Variants in FAAH2 observed in about 807,000 individuals in gnomAD.
FAAH2 encodes fatty-acid amide hydrolase 2.
In FAAH2, 60 loss-of-function variants were observed where a neutral mutation model predicts 36.9. The ratio of observed to expected loss-of-function variants is 1.63; its 90% confidence interval spans 1.32 to 2.02. The LOEUF (loss-of-function observed/expected upper bound fraction) is 2.02. Ranked by LOEUF, FAAH2 falls within the 30% of genes most tolerant of loss-of-function variation. The pLI is 0.00. For missense variants in FAAH2, 689 were observed against 397.5 expected (o/e 1.73, Z -6.23); for synonymous variants, 214 against 143.8 (o/e 1.49, Z -3.49).
intron 2 of FAAH2, among the ~76,000 whole-genome samples, chrX:57,300,029 G>A (rs2052294602): frequency 9.0e-6 from 1 of 111,486 alleles, no homozygotes; most frequent in South Asian, 3.8e-4. Context: ...TGGCCATACT[G>A]CCCAAGGTAA....
the FAAH2 span, among the ~76,000 whole-genome samples, chrX:57,203,158 A>G: frequency 1.8e-5 from 2 of 112,035 alleles, no homozygotes; most frequent in East Asian, 5.6e-4. Context: ...ACAGAGATTT[A>G]CCCACATATT....
chrX:57,313,918 A>G (rs1044236301), intron 3 of FAAH2, among the ~76,000 whole-genome samples: 1 of 111,378 alleles, frequency 9.0e-6, no homozygotes, highest in African/African-American at 3.3e-5. Flanking sequence ...AATGAACTAA[A>G]TGTCCCAATT....
At chrX:57,172,737 C>T in the FAAH2 span, among the ~76,000 whole-genome samples, 43 of 111,893 alleles carry the variant, frequency 3.8e-4, no homozygotes, top group Middle Eastern at 4.6e-3. Flanking sequence ...CTGGGCTCTC[C>T]TCCAACTGCC....
chrX:57,178,810 C>T, the FAAH2 span, among the ~76,000 whole-genome samples: 1 of 111,858 alleles, frequency 8.9e-6, no homozygotes, highest in African/African-American at 3.3e-5. Context: ...CTGCTAGCAG[C>T]AGCTACTTGG....
chrX:57,430,409 G>A (rs755855140), intron 7 of FAAH2, among the ~76,000 whole-genome samples: 1 of 111,510 alleles, frequency 9.0e-6, no homozygotes, highest in East Asian at 2.8e-4. Flanking sequence ...TGGGCGTGTG[G>A]TGGGATGCTT....
chrX:57,444,573 C>T (rs989795535), intron 8 of FAAH2, among the ~76,000 whole-genome samples: 1 of 111,075 alleles, frequency 9.0e-6, no homozygotes, highest in East Asian at 2.8e-4. Context: ...AGAGGATGCC[C>T]CACCCTGCTC....
the FAAH2 span, among the ~76,000 whole-genome samples, chrX:57,133,707 A>C: frequency 3.6e-5 from 4 of 112,438 alleles, no homozygotes; most frequent in Non-Finnish European, 7.5e-5. Flanking sequence ...GTACCTAATT[A>C]AAAATAGAAA....
At chrX:57,213,192 G>T in the FAAH2 span, among the ~76,000 whole-genome samples, 1 of 111,033 alleles carries the variant, frequency 9.0e-6, no homozygotes, top group African/African-American at 3.3e-5. Flanking sequence ...TTTTAAACTC[G>T]TGATTGTTGA....
chrX:57,209,974 C>G, the FAAH2 span, among the ~76,000 whole-genome samples: 3 of 109,719 alleles, frequency 2.7e-5, no homozygotes, highest in Non-Finnish European at 3.8e-5. Context: ...AACAAGACCT[C>G]AAAATTGCTG....
chrX:57,408,092 C>CATT (rs754475679), intron 7 of FAAH2, among the ~76,000 whole-genome samples: 122 of 110,253 alleles, frequency 1.1e-3, no homozygotes, highest in Non-Finnish European at 1.6e-3. Flanking sequence ...GATGCTTCCA[C>CATT]ATTATTATTA....
At chrX:57,154,643 T>C in the FAAH2 span, among the ~76,000 whole-genome samples, 1 of 111,208 alleles carries the variant, frequency 9.0e-6, no homozygotes, top group South Asian at 3.9e-4. Context: ...TTGATTAGCT[T>C]AATAATCAAC....
At chrX:57,416,696 T>C (rs1286468060) in intron 7 of FAAH2, among the ~76,000 whole-genome samples, 1 of 111,646 alleles carries the variant, frequency 9.0e-6, no homozygotes, top group East Asian at 2.8e-4. Flanking sequence ...AATCTGACGA[T>C]TATGTGTCTT....
chrX:57,386,311 G>A (rs1377505209), intron 7 of FAAH2, among the ~76,000 whole-genome samples: 1 of 111,556 alleles, frequency 9.0e-6, no homozygotes, highest in Admixed American at 9.5e-5. Context: ...AGTTATATAA[G>A]TGAACAATAA....
the FAAH2 span, among the ~76,000 whole-genome samples, chrX:57,193,237 G>A: frequency 2.7e-5 from 3 of 111,605 alleles, no homozygotes; most frequent in Admixed American, 9.5e-5. Flanking sequence ...TTCTATGGTC[G>A]AAACTGTAGG....
the FAAH2 span, chrX:57,135,651 C>G: frequency 9.7e-7 from 1 of 1,033,858 alleles, no homozygotes; most frequent in African/African-American, 1.9e-5. Context: ...GACAGCATGT[C>G]ATGTATTCAC....
intron 5 of FAAH2, among the ~76,000 whole-genome samples, chrX:57,364,009 G>GTTTTTTTTTT (rs59787885): frequency 4.3e-5 from 2 of 46,551 alleles, no homozygotes; most frequent in African/African-American, 8.6e-5. Context: ...GGCCTGTAGG[G>GTTTTTTTTTT]TTTTTTTTTT....
Position 57,442,080 on chromosome X carries a change from A to G in FAAH2, c.1117-4848A>G, listed in dbSNP as rs371138983. On this transcript the variant is annotated intron_variant, in intron 8 of 10. Transcript: ENST00000374900. ...TGATGTGGTGCTGAGAATAATGTAT[A>G]TTCTGTTGATTTGGGGTGGAGAGTT... Among the ~76,000 whole-genome samples, 12 of 111,602 alleles carry G rather than the reference A, an allele frequency of 1.1e-4. No individual in the cohort carries two copies. The East Asian group carries it at 1.4e-3, about 13-fold the overall frequency.
chrX:57,436,067 T>C (rs1481096417), intron 8 of FAAH2, among the ~76,000 whole-genome samples: 1 of 111,157 alleles, frequency 9.0e-6, no homozygotes, highest in Non-Finnish European at 1.9e-5. Context: ...TTTTGGGAAC[T>C]TTGGAAACTA....
intron 7 of FAAH2, among the ~76,000 whole-genome samples, chrX:57,423,868 G>C (rs1252097770): frequency 1.8e-5 from 2 of 111,398 alleles, no homozygotes; most frequent in African/African-American, 6.5e-5. Context: ...ATTTATCCTG[G>C]TAAACAAAGC....
Sources: allele counts gnomAD v4.1 joint callset (sites outside exome capture counted in the v4.1 genomes callset), GRCh38; gene constraint gnomAD v4.1.1; transcripts MANE v1.5; gene names NCBI Gene and HGNC (gene_info 2026-07-23, HGNC 2026-07-21).